The following COL7A1 variants were observed in gnomAD, a reference collection of about 807,000 sequenced individuals.
COL7A1 encodes the protein collagen type VII alpha 1 chain.
A neutral mutation model predicts 456.2 loss-of-function variants in COL7A1; 296 were observed. That is an observed-to-expected ratio of 0.65 (90% CI 0.59 to 0.71). COL7A1 has a LOEUF of 0.71. Ranked by LOEUF, COL7A1 falls within the 30% of genes least tolerant of loss-of-function variation. The pLI is 0.00. For synonymous variants in COL7A1, 1,464 were observed against 1,525.9 expected (o/e 0.96, Z 0.95); for missense variants, 3,441 against 4,017.2 (o/e 0.86, Z 3.88).
Position 48,568,303 on chromosome 3 carries a change from T to A in COL7A1, c.7795-133A>T. On this transcript the variant is annotated intron_variant, in intron 105 of 118. Coordinates refer to ENST00000681320, the MANE Select transcript of COL7A1 (RefSeq NM_000094.4). The surrounding 1 kb of genome is among the most constrained non-coding windows in gnomAD (Gnocchi z 5.2). ...AGGCCAGAGCCACTGGGGCTTGCCA[T>A]GGGGACAAGGGTCACCATAGGCAGG... is the stretch of plus-strand genomic sequence containing the variant. 1 of 1,171,304 alleles carries A rather than the reference T, an allele frequency of 8.5e-7. No homozygotes were observed. Among genetic ancestry groups the A allele is most frequent in the South Asian group, 1.3e-5 (1 of 79,564 alleles). 72.6% of individuals were successfully genotyped at this position (1,171,304 alleles called of 1,614,324 possible).
rs370519980 is a variant in COL7A1, at chr3:48,587,499, C to T, written c.2913G>A (p.Ser971=). The part of the protein sequence containing the change: ...ELRVVDTSID[S]VTLAWTPVSR... The stretch of plus-strand genomic sequence containing the variant: ...ACACTGGAGTCCAGGCCAAAGTCAC[C>T]GAGTCGATCGAGGTGTCCACCACAC... Residue 971 remains serine, a synonymous_variant, in exon 23 of 119, where the codon TCG becomes TCA. Transcript: ENST00000681320. This position sits in a 1 kb window ranked among gnomAD's most constrained non-coding sequence, Gnocchi z 6.1. 18 of 1,613,394 alleles carry T rather than the reference C, an allele frequency of 1.1e-5. No individual in the cohort carries two copies. The highest frequency in any genetic ancestry group is 1.3e-5 in the African/African-American group (1 of 75,042).
chr3:48,587,927 T>C lies in COL7A1; in HGVS notation c.2723A>G (p.Gln908Arg). Reference sequence around the variant, plus strand: ...GAGCTCGGGCCCCAGGACCCGGGACTGTTCCTGGCCACCTGGGGCAGGCGT... The same window carrying C: ...GAGCTCGGGCCCCAGGACCCGGGACCGTTCCTGGCCACCTGGGGCAGGCGT... The part of the protein sequence containing the change: ...LHWQPEGGQE[Q>R]SRVLGPELSS... Residue 908 changes from glutamine to arginine, a missense_variant, in exon 22 of 119, where the codon CAG becomes CGG. Physicochemically the swap from Gln to Arg is conservative, Grantham distance 43. Around this residue, in one of 3 missense-constraint regions of COL7A1, gnomAD observed 444 missense variants for 427.6 expected, o/e 1.04. Transcript: ENST00000681320. This position sits in a 1 kb window ranked among gnomAD's most constrained non-coding sequence, Gnocchi z 6.1. The C allele has an allele frequency of 6.3e-7, 1 of 1,596,586 alleles. No individual in the cohort carries two copies. The highest frequency in any genetic ancestry group is 2.3e-5 in the East Asian group (1 of 43,870).
In COL7A1 at chr3:48,595,134, G is replaced by A. The variant is rs533528646; in HGVS notation, c.26C>T (p.Ala9Val). Residue 9 changes from alanine to valine, a missense_variant, in exon 2 of 119, where the codon GCG becomes GTG. Transcript: ENST00000681320. ...CTCTGCCAGGATCCCGGCGCAGAGC[G>A]CGGCCACCAGAAGCCGCAGCGTCAT... MTLRLLVA[A>V]LCAGILAEAP... 18 of 1,553,470 alleles carry A rather than the reference G, an allele frequency of 1.2e-5. No individual in the cohort carries two copies. In the East Asian group the frequency reaches 2.2e-4, roughly 19 times the overall value.
rs773824386 is a variant in COL7A1, at chr3:48,576,701, G to A, written c.5675C>T (p.Pro1892Leu). Residue 1892 changes from proline to leucine, a missense_variant, in exon 68 of 119, where the codon CCA becomes CTA. Transcript: ENST00000681320. ...ILGPQGPPGL[P>L]GPVGPPGQGF... ...CTGGCCAGGAGGGCCCACTGGCCCT[G>A]GGAGGCCTGGAGGCCCCTGGGGTCC... 36 of 1,608,504 alleles carry A rather than the reference G, an allele frequency of 2.2e-5. No homozygotes were observed. The highest frequency in any genetic ancestry group is 3.0e-5 in the Non-Finnish European group (35 of 1,178,032).
At position 48,594,475 on chromosome 3, in the gene COL7A1, A is replaced by G. The variant is rs201432382; in HGVS notation, c.159T>C (p.Asn53=). 2 of 1,612,404 alleles carry G rather than the reference A, an allele frequency of 1.2e-6. No homozygotes were observed. The highest frequency in any genetic ancestry group is 2.2e-5 in the East Asian group (1 of 44,892). Residue 53 remains asparagine (N), a synonymous_variant, in exon 3 of 119, where the codon AAT becomes AAC. Transcript: ENST00000681320. The surrounding 1 kb of genome is among the most constrained non-coding windows in gnomAD (Gnocchi z 5.5). Reference sequence around the variant, plus strand: ...CGAGAAAGCTGCGGACCTCGCGGAAATTGCTGCGGCCAATGGATGAGGAGC... The same window carrying G: ...CGAGAAAGCTGCGGACCTCGCGGAAGTTGCTGCGGCCAATGGATGAGGAGC... The part of the protein sequence containing the change: ...LDGSSSIGRS[N]FREVRSFLEG...
rs2045666495 is a variant in COL7A1 at position 48,591,122 on chromosome 3, T to C, written c.1637-306A>G. Reference sequence around the variant, plus strand: ...GCCATTGACAGACACTGATGTGGGATGGCAGAGGTCAGTGCTGGATGGGGA... The same window carrying C: ...GCCATTGACAGACACTGATGTGGGACGGCAGAGGTCAGTGCTGGATGGGGA... On this transcript the variant is annotated intron_variant, in intron 13 of 118. Coordinates refer to ENST00000681320, the MANE Select transcript of COL7A1 (RefSeq NM_000094.4). This position sits in a 1 kb window ranked among gnomAD's most constrained non-coding sequence, Gnocchi z 7.0. Among the ~76,000 whole-genome samples the C allele has an allele frequency of 6.6e-6, 1 of 152,078 alleles. No individual in the cohort carries two copies. Among genetic ancestry groups the C allele is most frequent in the African/African-American group, 2.4e-5 (1 of 41,418 alleles).
chr3:48,577,168 T>C, intron 65 of COL7A1, 141 bp from the exon 66 acceptor site: 1 of 1,220,340 alleles, frequency 8.2e-7, no homozygotes, highest in South Asian at 1.2e-5. Flanking sequence ...GCATGGCCTG[T>C]GGCCGTCTGA....
chr3:48,583,110 C>A lies in COL7A1; in HGVS notation c.4482+17G>T, dbSNP rs190749884. 2.2e-5 allele frequency: 35 copies of A among 1,613,964 alleles called. No homozygotes were observed. In the Admixed American group the frequency reaches 4.3e-4, roughly 20 times the overall value. On this transcript the variant is annotated intron_variant, in intron 43 of 118. Coordinates refer to ENST00000681320, the MANE Select transcript of COL7A1 (RefSeq NM_000094.4). The surrounding 1 kb of genome is among the most constrained non-coding windows in gnomAD (Gnocchi z 5.1). ...CAGATCCTCCAGGGCCCTTGGCACC[C>A]CCCAGGTTGCACTTACCTTCTCTCC...
chr3:48,581,854 C>T lies in COL7A1; in HGVS notation c.4668+57G>A. ...GACCCCCCAAGTCCCATAGATAGGC[C>T]CTATGACCTAGACCTCAACCCTGTA... On this transcript the variant is annotated intron_variant, in intron 48 of 118. Transcript: ENST00000681320. The surrounding 1 kb of genome is among the most constrained non-coding windows in gnomAD (Gnocchi z 5.8). 6.2e-7 allele frequency: 1 copy of T among 1,613,572 alleles called. No individual in the cohort carries two copies.
In COL7A1 at chr3:48,592,607, G is replaced by A. The variant is rs376296518; in HGVS notation, c.939C>T (p.Asn313=). The change falls in exon 8 of 119, where the codon AAC becomes AAT. Residue 313 remains asparagine (N), a synonymous_variant. Transcript: ENST00000681320. The surrounding 1 kb of genome is among the most constrained non-coding windows in gnomAD (Gnocchi z 7.6). The part of the protein sequence containing the change: ...YQVTVIALYA[N]SIGEAVSGTA... ...TCCCGCTCACAGCCTCCCCGATGCT[G>A]TTGGCGTAGAGGGCAATCACAGTCA... 1.2e-6 allele frequency: 2 copies of A among 1,614,082 alleles called. No individual in the cohort carries two copies. The highest frequency in any genetic ancestry group is 1.7e-6 in the Non-Finnish European group (2 of 1,180,042).
rs2046004773 is a variant in COL7A1 at position 48,595,281 on chromosome 3, C to T, written c.-15G>A. The T allele has an allele frequency of 3.9e-6, 3 of 768,584 alleles. No individual in the cohort carries two copies. Among genetic ancestry groups the T allele is most frequent in the African/African-American group, 1.7e-5 (1 of 58,034 alleles). The allele number at this position is 768,584 out of a possible 1,614,324, so 47.6% of individuals were successfully genotyped here. A position where few individuals can be genotyped will look rare whatever the true frequency, so the allele number is the denominator to read the frequency against. ...TCCTGGTCTTGCCTGCGCGTCCGCC[C>T]GCTCCCGCCGCCGCCGCTGCAGTCT... On this transcript the variant is annotated 5_prime_UTR_variant, in exon 1 of 119. Coordinates refer to ENST00000681320, the MANE Select transcript of COL7A1 (RefSeq NM_000094.4).
At position 48,569,113 on chromosome 3, in the gene COL7A1, A is replaced by G. The variant is rs1159863012; in HGVS notation, c.7687-258T>C. ...CTCATCCCATCTGAAGCACCTTCAG[A>G]TGGGGACACCCAAGGAGCCCCTTTC... On this transcript the variant is annotated intron_variant, in intron 103 of 118. Transcript: ENST00000681320. The surrounding 1 kb of genome is among the most constrained non-coding windows in gnomAD (Gnocchi z 4.9). Among the ~76,000 whole-genome samples, 1 of 151,954 alleles carries G rather than the reference A, an allele frequency of 6.6e-6. No homozygotes were observed. The highest frequency in any genetic ancestry group is 6.6e-5 in the Admixed American group (1 of 15,264).
chr3:48,564,097 GC>G lies in COL7A1; in HGVS notation c.*308del. On this transcript the variant is annotated 3_prime_UTR_variant, in exon 119 of 119. Transcript: ENST00000681320. The surrounding 1 kb of genome is among the most constrained non-coding windows in gnomAD (Gnocchi z 6.0). ...AGCCTTTTAAAACAGCAGCTTTAAT[GC>G]CCCCCAGAATCAGCACCATGTCATC... The G allele has an allele frequency of 2.1e-6, 1 of 482,092 alleles. No homozygotes were observed. The highest frequency in any genetic ancestry group is 3.8e-6 in the Non-Finnish European group (1 of 261,090). The allele number at this position is 482,092 out of a possible 1,614,324, so 29.9% of individuals were successfully genotyped here.
Position 48,592,935 on chromosome 3 carries a change from T to A in COL7A1, c.686A>T (p.Asp229Val). ...GTCTCGTGGAGCAGAGGTCGAGTCA[T>A]CCGCTGGGAATGCGGGATCAGGGGA... ...AGGVPVTRPPDDSTSAPRDLV... is the reference protein window; with the variant it reads ...AGGVPVTRPPVDSTSAPRDLV... Residue 229 changes from aspartate to valine, a missense_variant, in exon 7 of 119, where the codon GAT becomes GTT. Asp to Val is a radical substitution (Grantham distance 152). Around this residue, in one of 3 missense-constraint regions of COL7A1, gnomAD observed 913 missense variants for 1,088.2 expected, o/e 0.84. Transcript: ENST00000681320. The surrounding 1 kb of genome is among the most constrained non-coding windows in gnomAD (Gnocchi z 7.6). 6.2e-7 allele frequency: 1 copy of A among 1,613,718 alleles called. No individual in the cohort carries two copies. Among genetic ancestry groups the A allele is most frequent in the African/African-American group, 1.3e-5 (1 of 75,002 alleles).
rs969493052 is a variant in COL7A1, at chr3:48,570,545, C to A, written c.7345-45G>T. On this transcript the variant is annotated intron_variant, in intron 96 of 118. Coordinates refer to ENST00000681320, the MANE Select transcript of COL7A1 (RefSeq NM_000094.4). The surrounding 1 kb of genome is among the most constrained non-coding windows in gnomAD (Gnocchi z 5.5). ...GAGGGTCCTGTGGCTCTCAAAGCGCCTCCCCCAACACCCCACAGTGTGGCC... is the reference window on the plus strand; with the variant it reads ...GAGGGTCCTGTGGCTCTCAAAGCGCATCCCCCAACACCCCACAGTGTGGCC... The A allele has an allele frequency of 6.2e-7, 1 of 1,613,926 alleles. No homozygotes were observed.
In COL7A1 at chr3:48,574,228, GAGCCTGGGGCCAGGTGCTTC is replaced by G. The variant is rs764706786; in HGVS notation, c.6501+14_6501+33del. The stretch of plus-strand genomic sequence containing the variant: ...GCAGCAGCACCTAGCGGAGGGTCCG[GAGCCTGGGGCCAGGTGCTTC>G]AGCCACCACTCACCGGCTTCCCTTC... On this transcript the variant is annotated intron_variant, in intron 80 of 118. Coordinates refer to ENST00000681320, the MANE Select transcript of COL7A1 (RefSeq NM_000094.4). This position sits in a 1 kb window ranked among gnomAD's most constrained non-coding sequence, Gnocchi z 5.0. 5.0e-6 allele frequency: 8 copies of G among 1,613,640 alleles called. No individual in the cohort carries two copies. The South Asian group carries it at 8.8e-5, about 18-fold the overall frequency.
In COL7A1 at chr3:48,569,346, C is replaced by A. The variant is rs761155678; in HGVS notation, c.7686+29G>T. 1.2e-6 allele frequency: 2 copies of A among 1,611,938 alleles called. No individual in the cohort carries two copies. The highest frequency in any genetic ancestry group is 1.7e-6 in the Non-Finnish European group (2 of 1,177,988). ...GAACCACCACAGCCACAGGACCCCA[C>A]AGAGAGTACACCACCCTCTTCCCTG... On this transcript the variant is annotated intron_variant, in intron 103 of 118. Transcript: ENST00000681320. This position sits in a 1 kb window ranked among gnomAD's most constrained non-coding sequence, Gnocchi z 4.9.
Position 48,584,911 on chromosome 3 carries a change from G to T in COL7A1, c.4010C>A (p.Pro1337Gln), listed in dbSNP as rs766577110. ...SPGLPGPRGD[P>Q]GERGPRGPKG... ...AGCAAAGAAGGGAAGGCACCTTACC[G>T]GGTCCCCACGAGGGCCAGGCAACCC... Residue 1337 changes from proline (P) to glutamine (Q), a missense_variant and splice_region_variant, in exon 34 of 119, where the codon CCG becomes CAG. Pro to Gln is a moderately conservative substitution (Grantham distance 76). Transcript: ENST00000681320. 6.2e-7 allele frequency: 1 copy of T among 1,613,834 alleles called. No individual in the cohort carries two copies. The highest frequency in any genetic ancestry group is 1.1e-5 in the South Asian group (1 of 91,076).
intron 18 of COL7A1, 90 bp downstream of exon 18, chr3:48,589,236 AG>A (rs1464407059): frequency 3.8e-6 from 6 of 1,581,294 alleles, no homozygotes; most frequent in Non-Finnish European, 2.6e-6. Context: ...GTCACTGAGC[AG>A]GGGGGTGGAG....
Sources: allele counts gnomAD v4.1 joint callset (sites outside exome capture counted in the v4.1 genomes callset), GRCh38; gene constraint gnomAD v4.1.1; regional missense constraint gnomAD v4.1.1; non-coding constraint Gnocchi (gnomAD v3.1); transcripts MANE v1.5; gene names NCBI Gene and HGNC (gene_info 2026-07-23, HGNC 2026-07-21).